Variants in NBAS observed in about 807,000 individuals in gnomAD.
NBAS encodes NAG/BC035112 fusion.
NBAS carries 219 observed loss-of-function variants against 302.5 expected under a neutral mutation model. That is an observed-to-expected ratio of 0.72 (90% CI 0.65 to 0.81). The LOEUF (loss-of-function observed/expected upper bound fraction) is 0.81, where lower values mean the gene tolerates loss of function less well. NBAS is among the 30% of genes least tolerant of loss of function. The pLI is 0.00. For synonymous variants in NBAS, 1,118 were observed against 1,021.6 expected, an observed-to-expected ratio of 1.09 and a Z score of -1.80; for missense variants, 2,932 against 2,841.6, an observed-to-expected ratio of 1.03 and a Z score of -0.72.
rs77610087 is a variant in NBAS at position 15,398,704 on chromosome 2, T to G, written c.3072-2229A>C. On this transcript the variant is annotated intron_variant, in intron 26 of 51. Transcript: ENST00000281513. ...ACTACCACTAAAAATAAACAAATAA[T>G]CACTGAGAGAATATAAATTGACAAA... Among the ~76,000 whole-genome samples the G allele has an allele frequency of 1.1e-4, 16 of 152,108 alleles. No individual in the cohort carries two copies. The East Asian group carries it at 3.1e-3, about 29-fold the overall frequency.
chr2:14,780,870 T>C, the NBAS span, among the ~76,000 whole-genome samples: 1 of 152,242 alleles, frequency 6.6e-6, no homozygotes, highest in Non-Finnish European at 1.5e-5. Flanking sequence ...TCTTTCTTTG[T>C]AAATTTGGTC....
chr2:15,146,653 G>C, the NBAS span, among the ~76,000 whole-genome samples: 18 of 152,098 alleles, frequency 1.2e-4, no homozygotes, highest in Non-Finnish European at 1.9e-4. Flanking sequence ...CCAGAACCCA[G>C]GATGCAGTGA....
intron 21 of NBAS, among the ~76,000 whole-genome samples, chr2:15,443,487 T>C (rs978465489): frequency 9.2e-5 from 14 of 151,914 alleles, no homozygotes; most frequent in Non-Finnish European, 1.6e-4. Flanking sequence ...AAATTAGGTA[T>C]TGATGGGACG....
intron 10 of NBAS, among the ~76,000 whole-genome samples, chr2:15,504,998 T>C (rs1236530791): frequency 6.6e-6 from 1 of 151,998 alleles, no homozygotes; most frequent in Non-Finnish European, 1.5e-5. Context: ...CCAAATACTT[T>C]CTCCAAAAAA....
chr2:15,258,838 T>C (rs1217073347), intron 44 of NBAS, among the ~76,000 whole-genome samples: 1 of 152,214 alleles, frequency 6.6e-6, no homozygotes, highest in Non-Finnish European at 1.5e-5. Flanking sequence ...CTTTGAAGCA[T>C]GTGATCTTTG....
chr2:15,424,345 T>C lies in NBAS; in HGVS notation c.2547A>G (p.Arg849=), dbSNP rs1258828318. The C allele has an allele frequency of 8.1e-6, 13 of 1,614,084 alleles. No individual in the cohort carries two copies. The highest frequency in any genetic ancestry group is 1.1e-5 in the Non-Finnish European group (13 of 1,179,980). The change falls in exon 23 of 52, where the codon AGA becomes AGG. Residue 849 remains arginine, a synonymous_variant. Coordinates refer to ENST00000281513, the MANE Select transcript of NBAS (RefSeq NM_015909.4). ...VEKVMDWYQT[R]AEEIEHYARQ... ...GAGCATAATGCTCTATTTCCTCTGCTCTGGTCTGATACCAGTCCATAACCT... is the reference window on the plus strand; with the variant it reads ...GAGCATAATGCTCTATTTCCTCTGCCCTGGTCTGATACCAGTCCATAACCT...
intron 35 of NBAS, among the ~76,000 whole-genome samples, chr2:15,349,695 T>C (rs1572700186): frequency 6.6e-6 from 1 of 152,136 alleles, no homozygotes; most frequent in Non-Finnish European, 1.5e-5. Context: ...GGTTCACGCC[T>C]GTATTCCCAG....
chr2:15,449,451 T>C (rs902700704), intron 21 of NBAS, among the ~76,000 whole-genome samples: 3 of 152,214 alleles, frequency 2.0e-5, no homozygotes, highest in East Asian at 1.9e-4. Flanking sequence ...AATTAACTAG[T>C]ACATCTTCAT....
intron 40 of NBAS, among the ~76,000 whole-genome samples, chr2:15,305,638 GGCGGGGTTTC>G (rs368094280): frequency 7.8e-4 from 118 of 151,964 alleles, no homozygotes; most frequent in African/African-American, 2.7e-3. Context: ...TTTTAGTAGA[GGCGGGGTTTC>G]ACCATGTTGG....
intron 44 of NBAS, among the ~76,000 whole-genome samples, chr2:15,251,902 C>T (rs1277448609): frequency 6.6e-6 from 1 of 152,184 alleles, no homozygotes; most frequent in Non-Finnish European, 1.5e-5. Context: ...TTTCACCCAG[C>T]TCCTATTCAA....
At position 15,256,337 on chromosome 2, in the gene NBAS, A is replaced by C. The variant is rs968635334; in HGVS notation, c.5725-17651T>G. 1.1e-4 allele frequency among the ~76,000 whole-genome samples: 17 copies of C among 151,940 alleles called. 1 individual carries two copies. The highest frequency in any genetic ancestry group is 5.9e-4 in the Admixed American group (9 of 15,266). On this transcript the variant is annotated intron_variant, in intron 44 of 51. Coordinates refer to ENST00000281513, the MANE Select transcript of NBAS (RefSeq NM_015909.4). The stretch of plus-strand genomic sequence containing the variant: ...TTTGCAGCTGTTGTAAAAAAGGTTG[A>C]GTTCTCGACTTGATTCTCGGCTTGG...
rs115410423 is a variant in NBAS at position 15,189,440 on chromosome 2, C to T, written c.6572+824G>A. Reference sequence around the variant, plus strand: ...CAGACACGTGGAGATGTTCACTGGCCTGTGGGGGCAGTATGTCAGCTGAGC... The same window carrying T: ...CAGACACGTGGAGATGTTCACTGGCTTGTGGGGGCAGTATGTCAGCTGAGC... On this transcript the variant is annotated intron_variant, in intron 49 of 51. Transcript: ENST00000281513. Among the ~76,000 whole-genome samples, 991 of 152,224 alleles carry T rather than the reference C, an allele frequency of 6.5e-3. 8 individuals carry two copies. Among genetic ancestry groups the T allele is most frequent in the African/African-American group, 0.022 (896 of 41,534 alleles).
At chr2:15,531,918 A>G (rs1663234796) in intron 9 of NBAS, among the ~76,000 whole-genome samples, 1 of 151,886 alleles carries the variant, frequency 6.6e-6, no homozygotes, top group Non-Finnish European at 1.5e-5. Context: ...ATCTCTGATT[A>G]TTTTTTTCCC....
the NBAS span, among the ~76,000 whole-genome samples, chr2:15,120,902 A>G: frequency 1.3e-5 from 2 of 152,196 alleles, no homozygotes; most frequent in South Asian, 4.1e-4. Flanking sequence ...CTGGGACGGC[A>G]GGGGTTTCTT....
chr2:15,451,948 CTTAATA>C (rs1383310472), intron 21 of NBAS, among the ~76,000 whole-genome samples: 7 of 151,438 alleles, frequency 4.6e-5, no homozygotes, highest in African/African-American at 1.5e-4. Flanking sequence ...CTTATTTAAT[CTTAATA>C]TTAATTTCAC....
At chr2:14,807,035 C>A in the NBAS span, among the ~76,000 whole-genome samples, 2 of 151,932 alleles carry the variant, frequency 1.3e-5, no homozygotes, top group African/African-American at 2.4e-5. Flanking sequence ...AGAAAAAAAA[C>A]AAAACAAAAA....
chr2:15,004,173 C>A, the NBAS span, among the ~76,000 whole-genome samples: 1 of 152,148 alleles, frequency 6.6e-6, no homozygotes, highest in Admixed American at 6.5e-5. Flanking sequence ...CGTAGAAAAT[C>A]GTTTCTTTAC....
At chr2:15,025,936 C>T in the NBAS span, among the ~76,000 whole-genome samples, 71 of 152,234 alleles carry the variant, frequency 4.7e-4, no homozygotes, top group East Asian at 1.2e-3. Context: ...TCCTCTCATC[C>T]TATCTGGGTG....
At chr2:14,858,102 C>A in the NBAS span, among the ~76,000 whole-genome samples, 1 of 152,000 alleles carries the variant, frequency 6.6e-6, no homozygotes, top group Non-Finnish European at 1.5e-5. Flanking sequence ...AAATGCAAAT[C>A]AAAACAACAA....
Sources: gnomAD v4.1 joint callset for allele counts (sites outside exome capture counted in the v4.1 genomes callset) on GRCh38, gnomAD v4.1.1 for gene constraint, MANE v1.5 for transcripts, NCBI Gene and HGNC (gene_info 2026-07-23, HGNC 2026-07-21) for gene names.